Variants in DTWD1 observed in about 807,000 individuals in gnomAD.
DTWD1 encodes tRNA-uridine aminocarboxypropyltransferase 1.
In DTWD1, 27 loss-of-function variants were observed where a neutral mutation model predicts 30.2. That is an observed-to-expected ratio of 0.90 (90% CI 0.66 to 1.23). DTWD1 has a LOEUF of 1.23. DTWD1 is among the 50% of genes most tolerant of loss of function. DTWD1 has a pLI of 0.00. For synonymous variants in DTWD1, 99 were observed against 113.1 expected (o/e 0.88, Z 0.79); for missense variants, 342 against 348.8 (o/e 0.98, Z 0.15).
intron 2 of DTWD1, among the ~76,000 whole-genome samples, chr15:49,625,887 G>A (rs1457667657): frequency 6.9e-6 from 1 of 144,358 alleles, no homozygotes; most frequent in Admixed American, 6.7e-5. Context: ...AAGAGTGGGA[G>A]GGTTGTTTGC....
rs1479251758 is a variant in DTWD1, at chr15:49,653,215, T to C, written c.*9637T>C. On this transcript the variant is annotated 3_prime_UTR_variant, in exon 5 of 5. Coordinates refer to ENST00000403028, the MANE Select transcript of DTWD1 (RefSeq NM_001144955.2). ...TAGAGATTATCCTGAATTATCTAGG[T>C]AGGCTCAATATAAGCATGAGTCCTT... 6.6e-6 allele frequency: 1 copy of C among 152,118 alleles called. No individual in the cohort carries two copies. The highest frequency in any genetic ancestry group is 2.4e-5 in the African/African-American group (1 of 41,432). 9.4% of individuals were successfully genotyped at this position (152,118 alleles called of 1,614,324 possible).
rs1459118302 is a variant in DTWD1 at position 49,650,903 on chromosome 15, A to AT, written c.*7327dup. ...TCTTTAGAGGACTCGACCTGTGGTA[A>AT]TTGTTAGTAGGAGTGATCTGAGCTG... On this transcript the variant is annotated 3_prime_UTR_variant, in exon 5 of 5. Coordinates refer to ENST00000403028, the MANE Select transcript of DTWD1 (RefSeq NM_001144955.2). 6.6e-6 allele frequency: 1 copy of AT among 152,092 alleles called. No individual in the cohort carries two copies. Among genetic ancestry groups the AT allele is most frequent in the African/African-American group, 2.4e-5 (1 of 41,440 alleles). The allele number at this position is 152,092 out of a possible 1,614,324, so 9.4% of individuals were successfully genotyped here. A position where few individuals can be genotyped will look rare whatever the true frequency, so the allele number is the denominator to read the frequency against.
In DTWD1 at chr15:49,645,535, T is replaced by G. The variant is rs2079111953; in HGVS notation, c.*1957T>G. ...CATGTTTAGAACTTGGCCCTGGGAA[T>G]AGAGGAAGGCTTGAATTGATTTAAG... On this transcript the variant is annotated 3_prime_UTR_variant, in exon 5 of 5. Transcript: ENST00000403028. 1 of 152,054 alleles carries G rather than the reference T, an allele frequency of 6.6e-6. No homozygotes were observed. The highest frequency in any genetic ancestry group is 1.5e-5 in the Non-Finnish European group (1 of 68,016). The allele number at this position is 152,054 out of a possible 1,614,324, so 9.4% of individuals were successfully genotyped here.
At position 49,633,039 on chromosome 15, in the gene DTWD1, A is replaced by ATATC. The variant is rs1213771284; in HGVS notation, c.408+741_408+744dup. ...TTGGTAAATTTTTACTTTCCTATTT[A>ATATC]TATCTATATCTATATATATATATAT... On this transcript the variant is annotated intron_variant, in intron 3 of 4. Transcript: ENST00000403028. 6.4e-4 allele frequency among the ~76,000 whole-genome samples: 81 copies of ATATC among 126,578 alleles called. 1 individual carries two copies. The South Asian group carries it at 0.011, about 16-fold the overall frequency. 83.0% of individuals were successfully genotyped at this position (126,578 alleles called of 152,430 possible).
At chr15:49,626,796 C>CATGT in intron 2 of DTWD1, 1 of 441,166 alleles carries the variant, frequency 2.3e-6, no homozygotes, top group Non-Finnish European at 4.6e-6. Context: ...TCTAAAATCA[C>CATGT]ATGTATAGGC....
In DTWD1 at chr15:49,655,538, A is replaced by AACAAAAGC. The variant is rs1284021273; in HGVS notation, c.*11962_*11969dup. On this transcript the variant is annotated 3_prime_UTR_variant, in exon 5 of 5. Coordinates refer to ENST00000403028, the MANE Select transcript of DTWD1 (RefSeq NM_001144955.2). ...ATATCAGATTAGTCCACCCCATTAG[A>AACAAAAGC]ACAAAAGCAACTTCTATAAATATTG... The AACAAAAGC allele has an allele frequency of 3.3e-5, 5 of 151,972 alleles. No homozygotes were observed. The highest frequency in any genetic ancestry group is 1.2e-4 in the African/African-American group (5 of 41,402). The allele number at this position is 151,972 out of a possible 1,614,324, so 9.4% of individuals were successfully genotyped here. A position where few individuals can be genotyped will look rare whatever the true frequency, so the allele number is the denominator to read the frequency against.
intron 3 of DTWD1, 105 bp downstream of exon 3, chr15:49,632,407 G>A: frequency 8.8e-7 from 1 of 1,132,846 alleles, no homozygotes; most frequent in Non-Finnish European, 1.2e-6. Flanking sequence ...ATTTTTCTTA[G>A]TAAAGTATTA....
At chr15:49,628,408 CATT>C (rs2078873439) in intron 2 of DTWD1, among the ~76,000 whole-genome samples, 1 of 152,130 alleles carries the variant, frequency 6.6e-6, no homozygotes, top group Non-Finnish European at 1.5e-5. Context: ...CATTATTAAA[CATT>C]ATTGTATAGC....
rs986760525 is a variant in DTWD1, at chr15:49,645,729, G to C, written c.*2151G>C. 5 of 151,910 alleles carry C rather than the reference G, an allele frequency of 3.3e-5. No individual in the cohort carries two copies. The highest frequency in any genetic ancestry group is 1.2e-4 in the African/African-American group (5 of 41,380). 9.4% of individuals were successfully genotyped at this position (151,910 alleles called of 1,614,324 possible). A position where few individuals can be genotyped will look rare whatever the true frequency, so the allele number is the denominator to read the frequency against. ...ATCACTCATTTGCCTCCATCTCTCA[G>C]CTGGCATAAGAAAGATGACCCACGT... On this transcript the variant is annotated 3_prime_UTR_variant, in exon 5 of 5. Coordinates refer to ENST00000403028, the MANE Select transcript of DTWD1 (RefSeq NM_001144955.2).
intron 2 of DTWD1, among the ~76,000 whole-genome samples, chr15:49,628,866 T>C (rs1428551316): frequency 2.0e-5 from 3 of 152,170 alleles, no homozygotes; most frequent in Non-Finnish European, 4.4e-5. Flanking sequence ...TAATTATACT[T>C]TAAGTTCTTG....
chr15:49,642,968 C>T (rs1317650649), intron 4 of DTWD1, among the ~76,000 whole-genome samples: 1 of 151,926 alleles, frequency 6.6e-6, no homozygotes, highest in Non-Finnish European at 1.5e-5. Flanking sequence ...TGAAACCCTT[C>T]TGAAAATTGG....
intron 2 of DTWD1, among the ~76,000 whole-genome samples, chr15:49,628,061 A>G (rs2078868116): frequency 6.6e-6 from 1 of 151,896 alleles, no homozygotes; most frequent in Non-Finnish European, 1.5e-5. Context: ...CCTTATTCCT[A>G]TTTTTATTAT....
chr15:49,653,101 C>T lies in DTWD1; in HGVS notation c.*9523C>T, dbSNP rs1220881630. The T allele has an allele frequency of 6.6e-6, 1 of 152,000 alleles. No homozygotes were observed. Among genetic ancestry groups the T allele is most frequent in the East Asian group, 1.9e-4 (1 of 5,172 alleles). The allele number at this position is 152,000 out of a possible 1,614,324, so 9.4% of individuals were successfully genotyped here. A position where few individuals can be genotyped will look rare whatever the true frequency, so the allele number is the denominator to read the frequency against. On this transcript the variant is annotated 3_prime_UTR_variant, in exon 5 of 5. Transcript: ENST00000403028. ...AGCAATAGATAACAGAAATTGGTAT[C>T]AGGAGTGGGGTGTTACCATAACAAA...
chr15:49,634,768 A>G lies in DTWD1; in HGVS notation c.641A>G (p.Lys214Arg). 6.3e-7 allele frequency: 1 copy of G among 1,587,290 alleles called. No individual in the cohort carries two copies. The highest frequency in any genetic ancestry group is 1.2e-5 in the South Asian group (1 of 84,576). The change falls in exon 4 of 5, where the codon AAA becomes AGA. Residue 214 changes from lysine to arginine, a missense_variant. Lys to Arg is a conservative substitution (Grantham distance 26). Transcript: ENST00000403028. ...FIDSTWNQTN[K>R]IFTDERLQGL... ...GATAGCACCTGGAACCAAACAAACA[A>G]AATATTCACTGATGAGCGACTTCAA...
At chr15:49,621,802 G>A (rs1471234127) in intron 1 of DTWD1, among the ~76,000 whole-genome samples, 1 of 152,040 alleles carries the variant, frequency 6.6e-6, no homozygotes, top group African/African-American at 2.4e-5. Context: ...GATCCTATAT[G>A]AAAAAGGGTA....
Position 49,647,161 on chromosome 15 carries a change from C to T in DTWD1, c.*3583C>T, listed in dbSNP as rs2079125292. On this transcript the variant is annotated 3_prime_UTR_variant, in exon 5 of 5. Coordinates refer to ENST00000403028, the MANE Select transcript of DTWD1 (RefSeq NM_001144955.2). ...TCTTAAGCATATCAAGTGTCTCATT[C>T]CTCTAATCTTTCTAGGAGCCCTTTG... is the stretch of plus-strand genomic sequence containing the variant. The T allele has an allele frequency of 6.6e-6, 1 of 152,112 alleles. No individual in the cohort carries two copies. The highest frequency in any genetic ancestry group is 2.1e-4 in the South Asian group (1 of 4,824). 9.4% of individuals were successfully genotyped at this position (152,112 alleles called of 1,614,324 possible).
rs889652201 is a variant in DTWD1, at chr15:49,655,480, A to G, written c.*11902A>G. 1.3e-4 allele frequency: 20 copies of G among 151,860 alleles called. No homozygotes were observed. The highest frequency in any genetic ancestry group is 4.8e-4 in the African/African-American group (20 of 41,372). 9.4% of individuals were successfully genotyped at this position (151,860 alleles called of 1,614,324 possible). On this transcript the variant is annotated 3_prime_UTR_variant, in exon 5 of 5. Transcript: ENST00000403028. ...AGTCCATGCTGGTGGTATCCTCATC[A>G]ATGCAATTTTCTTTAAAACTCTGTG...
At position 49,634,742 on chromosome 15, in the gene DTWD1, A is replaced by T; in HGVS notation, c.615A>T (p.Ile205=). 6.2e-7 allele frequency: 1 copy of T among 1,607,176 alleles called. No homozygotes were observed. Among genetic ancestry groups the T allele is most frequent in the Non-Finnish European group, 8.5e-7 (1 of 1,177,078 alleles). ...KGTTLKKIIF[I]DSTWNQTNKI... is the part of the protein sequence containing the mutation. ...CAACACTGAAAAAAATTATATTTAT[A>T]GATAGCACCTGGAACCAAACAAACA... is the stretch of plus-strand genomic sequence containing the variant. Residue 205 remains isoleucine, a synonymous_variant, in exon 4 of 5, where the codon ATA becomes ATT. Coordinates refer to ENST00000403028, the MANE Select transcript of DTWD1 (RefSeq NM_001144955.2).
chr15:49,646,642 TC>T lies in DTWD1; in HGVS notation c.*3065del, dbSNP rs2079120797. ...AAGCTGCTGGGTAAATTGCTCTTCTTCTGATGGACTGTATAGAGACACTGTT... is the reference window on the plus strand; with the variant it reads ...AAGCTGCTGGGTAAATTGCTCTTCTTTGATGGACTGTATAGAGACACTGTT... On this transcript the variant is annotated 3_prime_UTR_variant, in exon 5 of 5. Coordinates refer to ENST00000403028, the MANE Select transcript of DTWD1 (RefSeq NM_001144955.2). The T allele has an allele frequency of 6.6e-6, 1 of 152,210 alleles. No homozygotes were observed. Among genetic ancestry groups the T allele is most frequent in the South Asian group, 2.1e-4 (1 of 4,832 alleles). The allele number at this position is 152,210 out of a possible 1,614,324, so 9.4% of individuals were successfully genotyped here. A position where few individuals can be genotyped will look rare whatever the true frequency, so the allele number is the denominator to read the frequency against.
Sources: allele counts gnomAD v4.1 joint callset (sites outside exome capture counted in the v4.1 genomes callset), GRCh38; gene constraint gnomAD v4.1.1; transcripts MANE v1.5; gene names NCBI Gene and HGNC (gene_info 2026-07-23, HGNC 2026-07-21).